Variants in ARHGAP45 observed in about 807,000 individuals in gnomAD.
ARHGAP45 encodes Rho GTPase activating protein 45.
A neutral mutation model predicts 116.1 loss-of-function variants in ARHGAP45; 56 were observed. That is an observed-to-expected ratio of 0.48 (90% CI 0.39 to 0.60). ARHGAP45 has a LOEUF of 0.60. Ranked by LOEUF, ARHGAP45 falls within the 20% of genes least tolerant of loss-of-function variation. The pLI, the probability that ARHGAP45 is intolerant of heterozygous loss-of-function variation, is 0.00. For missense variants in ARHGAP45, 1,622 were observed against 1,601.0 expected (o/e 1.01, Z -0.22); for synonymous variants, 866 against 701.7 (o/e 1.23, Z -3.70).
Position 1,071,185 on chromosome 19 carries a change from C to CG in ARHGAP45, c.422-1960dup. 7.4e-7 allele frequency: 1 copy of CG among 1,356,472 alleles called. No homozygotes were observed. Among genetic ancestry groups the CG allele is most frequent in the South Asian group, 1.5e-5 (1 of 66,408 alleles). The allele number at this position is 1,356,472 out of a possible 1,614,324, so 84.0% of individuals were successfully genotyped here. On this transcript the variant is annotated intron_variant, in intron 2 of 22. Coordinates refer to ENST00000313093, the MANE Select transcript of ARHGAP45 (RefSeq NM_012292.5). This position sits in a 1 kb window ranked among gnomAD's most constrained non-coding sequence, Gnocchi z 4.6. Reference sequence around the variant, plus strand: ...CAGGGCGGGGTTTCCCTCGCGGGGGCGGGGCCTCCTGACCGGCCGGAGCCG... The same window carrying CG: ...CAGGGCGGGGTTTCCCTCGCGGGGGCGGGGGCCTCCTGACCGGCCGGAGCCG...
chr19:1,084,103 C>T, intron 21 of ARHGAP45, 135 bp from the exon 22 acceptor site: 1 of 787,900 alleles, frequency 1.3e-6, no homozygotes, highest in Non-Finnish European at 2.2e-6. Flanking sequence ...CTCGGGTTTG[C>T]TCTTGGCTGA....
chr19:1,071,274 C>T lies in ARHGAP45; in HGVS notation c.422-1875C>T. ...CCCCACGCGCTCGCGGTCTCCGCGC[C>T]CCGACGGCTGCGCCATGTGTATCTG... is the stretch of plus-strand genomic sequence containing the variant. On this transcript the variant is annotated intron_variant, in intron 2 of 22. Coordinates refer to ENST00000313093, the MANE Select transcript of ARHGAP45 (RefSeq NM_012292.5). The surrounding 1 kb of genome is among the most constrained non-coding windows in gnomAD (Gnocchi z 4.6). 1 of 1,480,634 alleles carries T rather than the reference C, an allele frequency of 6.8e-7. No individual in the cohort carries two copies. The highest frequency in any genetic ancestry group is 8.9e-7 in the Non-Finnish European group (1 of 1,120,530). The allele number at this position is 1,480,634 out of a possible 1,614,324, so 91.7% of individuals were successfully genotyped here.
intron 21 of ARHGAP45, 39 bp downstream of exon 21, chr19:1,083,392 C>T (rs1017135249): frequency 9.3e-6 from 14 of 1,501,952 alleles, no homozygotes; most frequent in African/African-American, 1.4e-5. Flanking sequence ...CCACTCGGGG[C>T]TTGGGGAGCA....
rs771948346 is a variant in ARHGAP45 at position 1,084,264 on chromosome 19, G to T, written c.2982G>T (p.Glu994Asp). The T allele has an allele frequency of 1.9e-6, 3 of 1,613,498 alleles. No homozygotes were observed. The South Asian group carries it at 3.3e-5, about 18-fold the overall frequency. The change falls in exon 22 of 23, where the codon GAG becomes GAT. Residue 994 changes from glutamate to aspartate, a missense_variant. Physicochemically the swap from Glu to Asp is conservative, Grantham distance 45. Transcript: ENST00000313093. Reference protein sequence around the residue: ...GQDESSNQRAEVVVQVPYLEA... With the variant: ...GQDESSNQRADVVVQVPYLEA... ...ACGAGTCATCCAACCAGCGAGCTGA[G>T]GTAGTCGTCCAGGTGCCGTACCTGG...
intron 21 of ARHGAP45, among the ~76,000 whole-genome samples, chr19:1,083,923 C>G (rs944382345): frequency 9.9e-5 from 15 of 152,088 alleles, no homozygotes; most frequent in African/African-American, 3.6e-4. Flanking sequence ...GTATTTTTAA[C>G]AGAGATGGGG....
chr19:1,085,282 C>T (rs1241468062), intron 22 of ARHGAP45, among the ~76,000 whole-genome samples: 3 of 152,186 alleles, frequency 2.0e-5, no homozygotes, highest in Middle Eastern at 3.4e-3. Context: ...GTGAAACCCA[C>T]GTACTATCAT....
chr19:1,074,497 G>C, intron 8 of ARHGAP45, 90 bp downstream of exon 8: 1 of 1,409,964 alleles, frequency 7.1e-7, no homozygotes, highest in East Asian at 2.5e-5. Flanking sequence ...AAGAGCAGGG[G>C]CTTCCCCTCT....
At position 1,068,654 on chromosome 19, in the gene ARHGAP45, G is replaced by C. The variant is rs781038935; in HGVS notation, c.331G>C (p.Asp111His). 1.9e-6 allele frequency: 3 copies of C among 1,612,632 alleles called. No homozygotes were observed. The highest frequency in any genetic ancestry group is 2.5e-6 in the Non-Finnish European group (3 of 1,179,982). ...GCTGCCCACCGAGGGTGCCGGCCCG[G>C]ACGTCGTCGAGGACATCTCCCATCT... ...GELPTEGAGP[D>H]VVEDISHLLA... Residue 111 changes from aspartate to histidine, a missense_variant, in exon 2 of 23, where the codon GAC becomes CAC. By Grantham distance (81) the Asp-to-His change is moderately conservative. Coordinates refer to ENST00000313093, the MANE Select transcript of ARHGAP45 (RefSeq NM_012292.5). The surrounding 1 kb of genome is among the most constrained non-coding windows in gnomAD (Gnocchi z 7.5).
chr19:1,073,832 C>T lies in ARHGAP45; in HGVS notation c.723+86C>T, dbSNP rs1027172448. On this transcript the variant is annotated intron_variant, in intron 5 of 22. Transcript: ENST00000313093. ...CTGCAGGGCCCAGACAGTCACCCTG[C>T]TTCCCCTGTGCGCCTTGGTTTCCCT... is the stretch of plus-strand genomic sequence containing the variant. 2.6e-6 allele frequency: 4 copies of T among 1,534,014 alleles called. No homozygotes were observed. In the African/African-American group the frequency reaches 5.5e-5, roughly 21 times the overall value.
rs1369173819 is a variant in ARHGAP45 at position 1,074,240 on chromosome 19, G to A, written c.927G>A (p.Leu309=). Residue 309 remains leucine (L), a splice_region_variant and synonymous_variant, in exon 7 of 23, where the codon CTG becomes CTA. Transcript: ENST00000313093. ...GCTACCTGGAGAAGCGGACGACGCTGGGTGAGAGCTGGTGTCCCAGCAGGG... is the reference window on the plus strand; with the variant it reads ...GCTACCTGGAGAAGCGGACGACGCTAGGTGAGAGCTGGTGTCCCAGCAGGG... ...LISYLEKRTT[L]EMEFAKGLQK... 11 of 1,613,002 alleles carry A rather than the reference G, an allele frequency of 6.8e-6. No homozygotes were observed. The Admixed American group carries it at 1.5e-4, about 22-fold the overall frequency.
chr19:1,085,538 CCTG>C (rs2043593165), intron 22 of ARHGAP45, 119 bp from the exon 23 acceptor site: 5 of 684,802 alleles, frequency 7.3e-6, no homozygotes, highest in South Asian at 3.8e-5. Context: ...CCCCATCTCT[CCTG>C]TCTCTCCATC....
In ARHGAP45 at chr19:1,071,263, G is replaced by A. The variant is rs1391905775; in HGVS notation, c.422-1886G>A. On this transcript the variant is annotated intron_variant, in intron 2 of 22. Coordinates refer to ENST00000313093, the MANE Select transcript of ARHGAP45 (RefSeq NM_012292.5). This position sits in a 1 kb window ranked among gnomAD's most constrained non-coding sequence, Gnocchi z 4.6. ...CAGCTGCCAGGCCCCACGCGCTCGC[G>A]GTCTCCGCGCCCCGACGGCTGCGCC... is the stretch of plus-strand genomic sequence containing the variant. 4 of 1,481,148 alleles carry A rather than the reference G, an allele frequency of 2.7e-6. No homozygotes were observed. In the African/African-American group the frequency reaches 4.4e-5, roughly 16 times the overall value. The allele number at this position is 1,481,148 out of a possible 1,614,324, so 91.8% of individuals were successfully genotyped here.
At chr19:1,074,284 G>C in intron 7 of ARHGAP45, 43 bp downstream of exon 7, 4 of 1,611,940 alleles carry the variant, frequency 2.5e-6, no homozygotes, top group Non-Finnish European at 3.4e-6. Context: ...GAGGGAGGGG[G>C]TTCTGGGTGA....
rs775003355 is a variant in ARHGAP45, at chr19:1,080,765, G to C, written c.1996G>C (p.Gly666Arg). 6.2e-7 allele frequency: 1 copy of C among 1,613,410 alleles called. No homozygotes were observed. The highest frequency in any genetic ancestry group is 8.5e-7 in the Non-Finnish European group (1 of 1,179,942). The change falls in exon 16 of 23, where the codon GGG becomes CGG. Residue 666 changes from glycine (G) to arginine (R), a missense_variant. Gly to Arg is a moderately radical substitution (Grantham distance 125). Around this residue, in one of 3 missense-constraint regions of ARHGAP45, gnomAD observed 1,334 missense variants for 1,263.8 expected, o/e 1.06. Coordinates refer to ENST00000313093, the MANE Select transcript of ARHGAP45 (RefSeq NM_012292.5). ...EELVDPDGGA[G>R]ASAFEQADLN... is the part of the protein sequence containing the mutation. ...GCTGGTGGACCCAGACGGTGGAGCC[G>C]GGGCTTCAGCCTTTGAGCAGGGTGA... is the stretch of plus-strand genomic sequence containing the variant.
Position 1,071,095 on chromosome 19 carries a change from C to T in ARHGAP45, c.422-2054C>T, listed in dbSNP as rs1217431803. 6 of 1,019,096 alleles carry T rather than the reference C, an allele frequency of 5.9e-6. No homozygotes were observed. Among genetic ancestry groups the T allele is most frequent in the Non-Finnish European group, 7.7e-6 (6 of 775,086 alleles). 63.1% of individuals were successfully genotyped at this position (1,019,096 alleles called of 1,614,324 possible). A position where few individuals can be genotyped will look rare whatever the true frequency, so the allele number is the denominator to read the frequency against. On this transcript the variant is annotated intron_variant, in intron 2 of 22. Transcript: ENST00000313093. This position sits in a 1 kb window ranked among gnomAD's most constrained non-coding sequence, Gnocchi z 4.6. The stretch of plus-strand genomic sequence containing the variant: ...CTGGGCCTCAGTTTCCCTGCCCGTC[C>T]TCGACCCTCCCCACCTCGAAGCTCT...
chr19:1,068,440 C>G lies in ARHGAP45; in HGVS notation c.117C>G (p.Asp39Glu). 6.3e-7 allele frequency: 1 copy of G among 1,576,258 alleles called. No homozygotes were observed. The highest frequency in any genetic ancestry group is 1.2e-5 in the South Asian group (1 of 86,804). The change falls in exon 2 of 23, where the codon GAC becomes GAG. Residue 39 changes from aspartate (D) to glutamate (E), a missense_variant. Asp to Glu is a conservative substitution (Grantham distance 45). Coordinates refer to ENST00000313093, the MANE Select transcript of ARHGAP45 (RefSeq NM_012292.5). This position sits in a 1 kb window ranked among gnomAD's most constrained non-coding sequence, Gnocchi z 7.5. ...AGCTGCCCAGGAAGGATGGGGCTGA[C>G]GCGGTGTTCCCCGGACCAAGCCTGG... ...SGELPRKDGA[D>E]AVFPGPSLEP...
chr19:1,085,843 G>A lies in ARHGAP45; in HGVS notation c.3248G>A (p.Arg1083Gln), dbSNP rs770097312. ...GSEEQLEATAREDGDGDEDGP... is the reference protein window; with the variant it reads ...GSEEQLEATAQEDGDGDEDGP... The stretch of plus-strand genomic sequence containing the variant: ...GAGGAGCAGCTGGAGGCCACAGCCC[G>A]GGAGGACGGGGACGGGGACGAGGAC... Residue 1083 changes from arginine to glutamine, a missense_variant, in exon 23 of 23, where the codon CGG becomes CAG. Arg to Gln is a conservative substitution (Grantham distance 43). Transcript: ENST00000313093. 32 of 1,610,494 alleles carry A rather than the reference G, an allele frequency of 2.0e-5. No individual in the cohort carries two copies. Among genetic ancestry groups the A allele is most frequent in the African/African-American group, 6.8e-5 (5 of 73,026 alleles).
At position 1,081,031 on chromosome 19, in the gene ARHGAP45, C is replaced by T; in HGVS notation, c.2157C>T (p.Ser719=). ...CCGCCAAGTGCCGCGAGTGCAACAG[C>T]TACGTCTACTTCCAGGGTGCTGAGT... ...RTPAKCRECN[S]YVYFQGAECE... Residue 719 remains serine (S), a synonymous_variant, in exon 17 of 23, where the codon AGC becomes AGT. Coordinates refer to ENST00000313093, the MANE Select transcript of ARHGAP45 (RefSeq NM_012292.5). 6.2e-7 allele frequency: 1 copy of T among 1,609,238 alleles called. No homozygotes were observed. Among genetic ancestry groups the T allele is most frequent in the Non-Finnish European group, 8.5e-7 (1 of 1,178,670 alleles).
Position 1,082,943 on chromosome 19 carries a change from G to T in ARHGAP45, c.2621G>T (p.Arg874Leu). ...GAGGCCAAGGCGGCGTCCCGGGGCC[G>T]GCAGGACGGCTCGGAGAGCGAGGCA... The part of the protein sequence containing the change: ...EAEAKAASRG[R>L]QDGSESEAVA... The change falls in exon 20 of 23, where the codon CGG becomes CTG. Residue 874 changes from arginine (R) to leucine (L), a missense_variant. Physicochemically the swap from Arg to Leu is moderately radical, Grantham distance 102 (BLOSUM62 -2). Transcript: ENST00000313093. 6.3e-7 allele frequency: 1 copy of T among 1,579,646 alleles called. No individual in the cohort carries two copies. Among genetic ancestry groups the T allele is most frequent in the East Asian group, 2.3e-5 (1 of 43,852 alleles).
Sources: gnomAD v4.1 joint callset for allele counts (sites outside exome capture counted in the v4.1 genomes callset) on GRCh38, gnomAD v4.1.1 for gene constraint, gnomAD v4.1.1 regional missense constraint, Gnocchi (gnomAD v3.1) non-coding constraint, MANE v1.5 for transcripts, NCBI Gene and HGNC (gene_info 2026-07-23, HGNC 2026-07-21) for gene names.